The following ZNF317 variants were observed in gnomAD, a reference collection of about 807,000 sequenced individuals.
The protein encoded by ZNF317 is zinc finger protein 317, also known as KRAB-containing zinc finger protein 317.
Under a neutral mutation model 23.4 loss-of-function variants are expected in ZNF317, and 17 were observed. The ratio of observed to expected loss-of-function variants is 0.73; its 90% CI spans 0.50 to 1.09. The LOEUF (loss-of-function observed/expected upper bound fraction) is 1.09, where lower values mean the gene tolerates loss of function less well. ZNF317 is among the 50% of genes least tolerant of loss of function. The pLI is 0.00. For synonymous variants in ZNF317, 317 were observed against 314.9 expected (o/e 1.01, Z -0.07); for missense variants, 679 against 796.7 (o/e 0.85, Z 1.78).
intron 1 of ZNF317, among the ~76,000 whole-genome samples, chr19:9,151,402 A>G (rs1416841689): frequency 2.0e-5 from 3 of 152,220 alleles, no homozygotes; most frequent in African/African-American, 7.2e-5. Flanking sequence ...CAGAAATACT[A>G]ATTGATGTTG....
At chr19:9,146,861 G>C (rs891509129) in intron 1 of ZNF317, among the ~76,000 whole-genome samples, 3 of 152,206 alleles carry the variant, frequency 2.0e-5, no homozygotes, top group Non-Finnish European at 2.9e-5. Context: ...GGGATACTGT[G>C]ATTAAGTTGA....
In ZNF317 at chr19:9,158,061, A is replaced by G; in HGVS notation, c.371A>G (p.Gln124Arg). Reference protein sequence around the residue: ...EPRTEERGAHQGACADWETPS... With the variant: ...EPRTEERGAHRGACADWETPS... ...AGGACAGAGGAGAGGGGCGCTCACC[A>G]GGGCGCTTGTGCAGGTGAGCGAGCC... is the stretch of plus-strand genomic sequence containing the variant. The change falls in exon 5 of 7, where the codon CAG becomes CGG. Residue 124 changes from glutamine to arginine, a missense_variant. Transcript: ENST00000247956. 1 of 1,551,102 alleles carries G rather than the reference A, an allele frequency of 6.4e-7. No individual in the cohort carries two copies. Among genetic ancestry groups the G allele is most frequent in the Non-Finnish European group, 8.7e-7 (1 of 1,146,796 alleles).
In ZNF317 at chr19:9,160,969, G is replaced by A. The variant is rs2050846729; in HGVS notation, c.1324G>A (p.Gly442Arg). 1 of 1,614,064 alleles carries A rather than the reference G, an allele frequency of 6.2e-7. No homozygotes were observed. The highest frequency in any genetic ancestry group is 8.5e-7 in the Non-Finnish European group (1 of 1,180,040). ...TAAGACTCACATGAACTCTCACACT[G>A]GAGAGAAACCATACGGGTGCGATCT... ...ILKTHMNSHTGEKPYGCDLCG... is the reference protein window; with the variant it reads ...ILKTHMNSHTREKPYGCDLCG... The change falls in exon 7 of 7, where the codon GGA (glycine) becomes AGA (arginine). Residue 442 changes from glycine (G) to arginine (R), a missense_variant. Gly to Arg is a moderately radical substitution (Grantham distance 125, BLOSUM62 -2). Coordinates refer to ENST00000247956, the MANE Select transcript of ZNF317 (RefSeq NM_020933.5). The surrounding 1 kb of genome is among the most constrained non-coding windows in gnomAD (Gnocchi z 6.8).
At chr19:9,147,322 T>G in intron 1 of ZNF317, among the ~76,000 whole-genome samples, 1 of 146,390 alleles carries the variant, frequency 6.8e-6, no homozygotes, top group Admixed American at 6.9e-5. Context: ...AGCATTCCAA[T>G]GACACTGGTT....
chr19:9,148,001 T>C (rs1029315638), intron 1 of ZNF317, among the ~76,000 whole-genome samples: 30 of 152,156 alleles, frequency 2.0e-4, no homozygotes, highest in Non-Finnish European at 7.4e-5. Flanking sequence ...TCCGGTCATT[T>C]ACACGTGTGT....
Position 9,161,484 on chromosome 19 carries a change from T to TG in ZNF317, c.*54dup. 1 of 1,560,128 alleles carries TG rather than the reference T, an allele frequency of 6.4e-7. No homozygotes were observed. The highest frequency in any genetic ancestry group is 8.7e-7 in the Non-Finnish European group (1 of 1,150,582). On this transcript the variant is annotated 3_prime_UTR_variant, in exon 7 of 7. Transcript: ENST00000247956. This position sits in a 1 kb window ranked among gnomAD's most constrained non-coding sequence, Gnocchi z 4.0. ...TGATTCAGACCGGAAACAGACCTCG[T>TG]GGGTGTAAGAGGAAGCCTCTGTGAG...
intron 1 of ZNF317, among the ~76,000 whole-genome samples, chr19:9,144,528 T>G (rs12608531): frequency 0.067 from 10,145 of 152,170 alleles, 351 homozygotes; most frequent in Middle Eastern, 0.13. Flanking sequence ...ATTTACTCTA[T>G]TATTTCAGTG....
At position 9,140,689 on chromosome 19, in the gene ZNF317, G is replaced by T. The variant is rs2050620800; in HGVS notation, c.-93+97G>T. The T allele has an allele frequency of 8.3e-5, 33 of 397,000 alleles. 1 individual carries two copies. Among genetic ancestry groups the T allele is most frequent in the South Asian group, 5.7e-4 (32 of 55,746 alleles). 24.6% of individuals were successfully genotyped at this position (397,000 alleles called of 1,614,324 possible). ...GACTAAGAGGGTACGAGGGTCGGGG[G>T]CTAAAGAGCTAGGCATCCAGACGAG... On this transcript the variant is annotated intron_variant, in intron 1 of 6. Transcript: ENST00000247956.
chr19:9,154,865 C>A (rs1449769956), intron 1 of ZNF317, among the ~76,000 whole-genome samples: 1 of 152,184 alleles, frequency 6.6e-6, no homozygotes, highest in African/African-American at 2.4e-5. Context: ...GCCCCAAACT[C>A]AGCAGCATTT....
Position 9,160,665 on chromosome 19 carries a change from G to A in ZNF317, c.1020G>A (p.Gly340=). ...GGCCCTACGAGTGTCACGACTGTGG[G>A]AAAGCTTTCCAGCACCCCTCCCACC... is the stretch of plus-strand genomic sequence containing the variant. The part of the protein sequence containing the change: ...GERPYECHDC[G]KAFQHPSHLK... Residue 340 remains glycine, a synonymous_variant, in exon 7 of 7, where the codon GGG becomes GGA. Coordinates refer to ENST00000247956, the MANE Select transcript of ZNF317 (RefSeq NM_020933.5). The surrounding 1 kb of genome is among the most constrained non-coding windows in gnomAD (Gnocchi z 6.8). 3 of 1,614,138 alleles carry A rather than the reference G, an allele frequency of 1.9e-6. No individual in the cohort carries two copies. In the South Asian group the frequency reaches 3.3e-5, roughly 18 times the overall value.
intron 4 of ZNF317, 72 bp downstream of exon 4, chr19:9,157,466 C>T: frequency 6.3e-7 from 1 of 1,588,962 alleles, no homozygotes; most frequent in South Asian, 1.1e-5. Context: ...GTTCTGTGAC[C>T]CAGGAACTAT....
intron 1 of ZNF317, among the ~76,000 whole-genome samples, chr19:9,147,120 G>A (rs1363956933): frequency 6.6e-6 from 1 of 152,098 alleles, no homozygotes; most frequent in Non-Finnish European, 1.5e-5. Flanking sequence ...TTGTCTAGCA[G>A]CCTTGGTTGC....
chr19:9,159,553 T>G (rs552685290), intron 6 of ZNF317, among the ~76,000 whole-genome samples: 34 of 134,844 alleles, frequency 2.5e-4, no homozygotes, highest in Admixed American at 1.2e-3. Flanking sequence ...TTGTTTTTTG[T>G]TTTTTTTTTT....
intron 1 of ZNF317, among the ~76,000 whole-genome samples, chr19:9,146,041 C>T (rs1363896691): frequency 6.6e-6 from 1 of 151,656 alleles, no homozygotes; most frequent in Non-Finnish European, 1.5e-5. Flanking sequence ...TTACTTAGGG[C>T]TTTTGTTGTG....
In ZNF317 at chr19:9,162,811, T is replaced by C. The variant is rs1030339530; in HGVS notation, c.*1378T>C. 1 of 152,246 alleles carries C rather than the reference T, an allele frequency of 6.6e-6. No individual in the cohort carries two copies. The highest frequency in any genetic ancestry group is 1.5e-5 in the Non-Finnish European group (1 of 68,056). 9.4% of individuals were successfully genotyped at this position (152,246 alleles called of 1,614,324 possible). ...TTGACCAATGGCATATTGAGATCTATGTGACATGAGGATATTTCTCAGTAC... is the reference window on the plus strand; with the variant it reads ...TTGACCAATGGCATATTGAGATCTACGTGACATGAGGATATTTCTCAGTAC... On this transcript the variant is annotated 3_prime_UTR_variant, in exon 7 of 7. Coordinates refer to ENST00000247956, the MANE Select transcript of ZNF317 (RefSeq NM_020933.5).
At chr19:9,151,907 C>CTTTTTTT (rs57588267) in intron 1 of ZNF317, among the ~76,000 whole-genome samples, 1 of 128,810 alleles carries the variant, frequency 7.8e-6, no homozygotes, top group Non-Finnish European at 1.6e-5. Context: ...TGGTCCTGGA[C>CTTTTTTT]TTTTTTTTTT....
intron 1 of ZNF317, among the ~76,000 whole-genome samples, chr19:9,146,049 G>C (rs1388488166): frequency 1.3e-5 from 2 of 151,824 alleles, no homozygotes; most frequent in African/African-American, 4.8e-5. Flanking sequence ...GGCTTTTGTT[G>C]TGGGTTTCCA....
chr19:9,151,218 A>G (rs963321841), intron 1 of ZNF317, among the ~76,000 whole-genome samples: 4 of 152,182 alleles, frequency 2.6e-5, no homozygotes, highest in Non-Finnish European at 5.9e-5. Flanking sequence ...CCAAAGGCAC[A>G]ATGACTAGAA....
chr19:9,143,528 A>G (rs1294582658), intron 1 of ZNF317, among the ~76,000 whole-genome samples: 2 of 151,856 alleles, frequency 1.3e-5, no homozygotes, highest in African/African-American at 2.4e-5. Context: ...TTTTTCTTTT[A>G]ATTTTCATTT....
Sources: gnomAD v4.1 joint callset for allele counts (sites outside exome capture counted in the v4.1 genomes callset) on GRCh38, gnomAD v4.1.1 for gene constraint, Gnocchi (gnomAD v3.1) non-coding constraint, MANE v1.5 for transcripts, NCBI Gene and HGNC (gene_info 2026-07-23, HGNC 2026-07-21) for gene names.